The following DYNC1I1 variants were observed in gnomAD, a reference collection of about 807,000 sequenced individuals.
DYNC1I1 encodes dynein cytoplasmic 1 intermediate chain 1.
In DYNC1I1, 43 loss-of-function variants were observed where a neutral mutation model predicts 86.6. The observed-to-expected ratio is 0.50, with a 90% CI of 0.39 to 0.64. DYNC1I1 has a LOEUF of 0.64. Ranked by LOEUF, DYNC1I1 falls within the 30% of genes least tolerant of loss-of-function variation. The pLI is 0.00. For missense variants in DYNC1I1, 604 were observed against 788.8 expected (o/e 0.77, Z 2.81); for synonymous variants, 262 against 283.7 (o/e 0.92, Z 0.77).
At chr7:95,807,126 G>A (rs1023728758) in intron 2 of DYNC1I1, among the ~76,000 whole-genome samples, 6 of 152,160 alleles carry the variant, frequency 3.9e-5, no homozygotes, top group African/African-American at 1.4e-4. Context: ...GATGAATGGG[G>A]CTTCATAGAA....
intron 1 of DYNC1I1, among the ~76,000 whole-genome samples, chr7:95,799,354 G>A (rs1794522689): frequency 6.6e-6 from 1 of 152,144 alleles, no homozygotes; most frequent in Admixed American, 6.6e-5. Context: ...ACTGCAGCCT[G>A]GGTGACAGAG....
chr7:95,968,515 A>G (rs1793076070), intron 6 of DYNC1I1, among the ~76,000 whole-genome samples: 1 of 152,170 alleles, frequency 6.6e-6, no homozygotes. Flanking sequence ...TAACAATTCT[A>G]GTATGTGAAG....
intron 16 of DYNC1I1, among the ~76,000 whole-genome samples, chr7:96,107,017 C>T (rs1791224710): frequency 6.6e-6 from 1 of 151,386 alleles, no homozygotes. Context: ...TTAGTTCTCT[C>T]CATTTTTCAT....
At chr7:95,909,497 A>G (rs964789798) in intron 6 of DYNC1I1, among the ~76,000 whole-genome samples, 14 of 151,972 alleles carry the variant, frequency 9.2e-5, no homozygotes, top group Non-Finnish European at 1.9e-4. Flanking sequence ...GCATGCTCAC[A>G]CTCTGCTGTC....
intron 6 of DYNC1I1, among the ~76,000 whole-genome samples, chr7:95,933,815 G>T (rs1053704460): frequency 6.6e-6 from 1 of 152,016 alleles, no homozygotes; most frequent in East Asian, 1.9e-4. Flanking sequence ...GCCACCCACA[G>T]CCTTTTCTCC....
At chr7:95,977,478 G>T in intron 6 of DYNC1I1, 34 bp from the exon 7 acceptor site, 5 of 1,600,674 alleles carry the variant, frequency 3.1e-6, no homozygotes, top group Non-Finnish European at 4.3e-6. Context: ...TTGGAGGAAA[G>T]AAAATATTGT....
chr7:95,948,942 ATGT>A (rs1295826920), intron 6 of DYNC1I1, among the ~76,000 whole-genome samples: 1 of 152,164 alleles, frequency 6.6e-6, no homozygotes, highest in Admixed American at 6.5e-5. Flanking sequence ...TTATAGGATG[ATGT>A]TGTAATTTCA....
intron 5 of DYNC1I1, among the ~76,000 whole-genome samples, chr7:95,836,443 G>T (rs1020002502): frequency 5.9e-5 from 9 of 151,296 alleles, no homozygotes; most frequent in African/African-American, 2.2e-4. Flanking sequence ...ACAATTATGT[G>T]TCTTGGAGTT....
intron 6 of DYNC1I1, among the ~76,000 whole-genome samples, chr7:95,973,675 C>T (rs1281560607): frequency 1.3e-5 from 2 of 152,152 alleles, no homozygotes; most frequent in Non-Finnish European, 2.9e-5. Context: ...TAGCCAAGCC[C>T]TTCACAGAAT....
chr7:96,028,044 C>A, intron 10 of DYNC1I1, 131 bp from the exon 11 acceptor site: 1 of 1,322,372 alleles, frequency 7.6e-7, no homozygotes, highest in Non-Finnish European at 1.0e-6. Context: ...CTTTTACAGT[C>A]CCAGCTTTAA....
intron 10 of DYNC1I1, among the ~76,000 whole-genome samples, chr7:96,005,484 C>A (rs558578158): frequency 6.6e-6 from 1 of 152,114 alleles, no homozygotes; most frequent in Non-Finnish European, 1.5e-5. Context: ...TTATCTGACA[C>A]GAGACGTATA....
chr7:95,882,281 G>A (rs1790474716), intron 6 of DYNC1I1, among the ~76,000 whole-genome samples: 1 of 152,148 alleles, frequency 6.6e-6, no homozygotes, highest in Non-Finnish European at 1.5e-5. Flanking sequence ...ACTGAGAAAA[G>A]TTTTATGGAT....
chr7:96,063,624 A>G (rs547572755), intron 14 of DYNC1I1, among the ~76,000 whole-genome samples: 53 of 152,186 alleles, frequency 3.5e-4, no homozygotes, highest in African/African-American at 1.3e-3. Context: ...CTCTTTTTAT[A>G]AGAACACCAG....
Position 95,918,297 on chromosome 7 carries a change from G to A in DYNC1I1, c.490+48299G>A, listed in dbSNP as rs146649360. Among the ~76,000 whole-genome samples the A allele has an allele frequency of 2.0e-5, 3 of 152,106 alleles. No individual in the cohort carries two copies. In the East Asian group the frequency reaches 5.8e-4, roughly 29 times the overall value. The stretch of plus-strand genomic sequence containing the variant: ...CACATTATAATTTCCCTGCCTCTCG[G>A]TCTAAGTGTCCACTAGTGATCACTG... On this transcript the variant is annotated intron_variant, in intron 6 of 16. Coordinates refer to ENST00000447467, the MANE Select transcript of DYNC1I1 (RefSeq NM_001135556.2).
In DYNC1I1 at chr7:96,097,784, C is replaced by A; in HGVS notation, c.*191C>A. On this transcript the variant is annotated 3_prime_UTR_variant, in exon 17 of 17. Transcript: ENST00000447467. ...ATGCTTTCCACTGACCCAAAATTCA[C>A]CACAGCATTTCTATCTTTATATTTC... The A allele has an allele frequency of 7.6e-7, 1 of 1,309,940 alleles. No individual in the cohort carries two copies. The highest frequency in any genetic ancestry group is 2.4e-5 in the South Asian group (1 of 40,856). The allele number at this position is 1,309,940 out of a possible 1,614,324, so 81.1% of individuals were successfully genotyped here. A position where few individuals can be genotyped will look rare whatever the true frequency, so the allele number is the denominator to read the frequency against.
chr7:95,853,599 G>C (rs752804465), intron 5 of DYNC1I1, among the ~76,000 whole-genome samples: 1 of 152,166 alleles, frequency 6.6e-6, no homozygotes, highest in Non-Finnish European at 1.5e-5. Context: ...TCTAGAAAAT[G>C]TTCCATGTGC....
intron 6 of DYNC1I1, among the ~76,000 whole-genome samples, chr7:95,975,439 CA>C (rs1442752958): frequency 6.6e-6 from 1 of 152,130 alleles, no homozygotes; most frequent in Non-Finnish European, 1.5e-5. Flanking sequence ...CTTGTAAAAG[CA>C]TCAGGCCGAT....
At chr7:95,844,203 A>G (rs903068796) in intron 5 of DYNC1I1, among the ~76,000 whole-genome samples, 1 of 152,190 alleles carries the variant, frequency 6.6e-6, no homozygotes, top group Non-Finnish European at 1.5e-5. Flanking sequence ...CTAGTACCTT[A>G]TAGAATATTT....
chr7:95,892,558 G>C (rs1473031393), intron 6 of DYNC1I1, among the ~76,000 whole-genome samples: 1 of 152,134 alleles, frequency 6.6e-6, no homozygotes, highest in East Asian at 1.9e-4. Flanking sequence ...TGATCCTCCT[G>C]CCTCAGCCTC....
Sources: gnomAD v4.1 joint callset for allele counts (sites outside exome capture counted in the v4.1 genomes callset) on GRCh38, gnomAD v4.1.1 for gene constraint, MANE v1.5 for transcripts, NCBI Gene and HGNC (gene_info 2026-07-23, HGNC 2026-07-21) for gene names.